DPP4: variants seen among roughly 807,000 people sequenced by gnomAD.
DPP4 encodes dipeptidyl peptidase 4.
Under a neutral mutation model 122.4 loss-of-function variants are expected in DPP4, and 93 were observed. That is an observed-to-expected ratio of 0.76 (90% CI 0.64 to 0.90). The LOEUF is 0.90. Ranked by LOEUF, DPP4 falls within the 40% of genes least tolerant of loss-of-function variation. The pLI is 0.00. For synonymous variants in DPP4, 321 were observed against 302.9 expected (o/e 1.06, Z -0.62); for missense variants, 914 against 907.3 (o/e 1.01, Z -0.09).
intron 9 of DPP4, among the ~76,000 whole-genome samples, chr2:162,033,891 T>C (rs1204518066): frequency 7.0e-6 from 1 of 142,500 alleles, no homozygotes; most frequent in African/African-American, 2.7e-5. Context: ...TATATATATA[T>C]ATACACACTA....
chr2:162,030,923 T>C (rs1292196669), intron 10 of DPP4, among the ~76,000 whole-genome samples: 1 of 152,208 alleles, frequency 6.6e-6, no homozygotes, highest in Non-Finnish European at 1.5e-5. Context: ...CGAATTCACA[T>C]AAGGCCAAAA....
chr2:162,031,309 G>A (rs1683543189), intron 10 of DPP4, among the ~76,000 whole-genome samples: 2 of 152,208 alleles, frequency 1.3e-5, no homozygotes, highest in Admixed American at 1.3e-4. Flanking sequence ...GCGGGAAGGA[G>A]GGAGGACAAG....
Position 162,039,123 on chromosome 2 carries a change from G to A in DPP4, c.419+9C>T. 2 of 1,612,740 alleles carry A rather than the reference G, an allele frequency of 1.2e-6. No homozygotes were observed. The highest frequency in any genetic ancestry group is 1.7e-6 in the Non-Finnish European group (2 of 1,179,090). ...AAAGCCTAATAGATTTTATTGGGAA[G>A]TCACTGACCTTTTATTTAAATCATA... is the stretch of plus-strand genomic sequence containing the variant. On this transcript the variant is annotated intron_variant, in intron 6 of 25. Coordinates refer to ENST00000360534, the MANE Select transcript of DPP4 (RefSeq NM_001935.4).
At chr2:162,010,995 G>A (rs114942722) in intron 20 of DPP4, among the ~76,000 whole-genome samples, 1,599 of 152,202 alleles carry the variant, frequency 0.011, 29 homozygotes, top group African/African-American at 0.037. Flanking sequence ...TTAAATATAA[G>A]AGTCAGAATG....
intron 11 of DPP4, among the ~76,000 whole-genome samples, chr2:162,024,204 G>A (rs2106106737): frequency 6.6e-6 from 1 of 152,346 alleles, no homozygotes; most frequent in African/African-American, 2.4e-5. Flanking sequence ...GGCTCCCAGA[G>A]GGACTTTAAC....
intron 2 of DPP4, among the ~76,000 whole-genome samples, chr2:162,051,384 C>T (rs572520471): frequency 1.1e-4 from 17 of 152,344 alleles, no homozygotes; most frequent in African/African-American, 3.8e-4. Flanking sequence ...TATTGTCACT[C>T]ATTCATACTA....
At chr2:162,018,358 C>T (rs1156858071) in intron 16 of DPP4, among the ~76,000 whole-genome samples, 1 of 152,188 alleles carries the variant, frequency 6.6e-6, no homozygotes, top group East Asian at 1.9e-4. Flanking sequence ...GCAACAGCAA[C>T]AGAAGATGGA....
intron 11 of DPP4, among the ~76,000 whole-genome samples, 182 bp downstream of exon 11, chr2:162,024,622 C>T (rs560980553): frequency 3.3e-5 from 5 of 152,148 alleles, no homozygotes; most frequent in Non-Finnish European, 7.3e-5. Context: ...AATAGAAGCA[C>T]CTCGGGATGG....
chr2:162,006,886 CA>C (rs1701296345), intron 22 of DPP4, among the ~76,000 whole-genome samples: 4 of 152,004 alleles, frequency 2.6e-5, no homozygotes, highest in African/African-American at 9.7e-5. Flanking sequence ...TAAAATTTTA[CA>C]AGTATTTCAA....
chr2:162,001,853 G>T (rs1701157544), intron 23 of DPP4, among the ~76,000 whole-genome samples: 1 of 152,204 alleles, frequency 6.6e-6, no homozygotes, highest in Non-Finnish European at 1.5e-5. Flanking sequence ...CTTTAGCTCA[G>T]ATTTGTCACC....
At chr2:162,071,566 C>T (rs1383118099) in intron 2 of DPP4, among the ~76,000 whole-genome samples, 4 of 152,246 alleles carry the variant, frequency 2.6e-5, no homozygotes, top group East Asian at 3.9e-4. Context: ...CACTTGAACC[C>T]GGGAGGGGGA....
chr2:162,061,831 A>T (rs1684785044), intron 2 of DPP4, among the ~76,000 whole-genome samples: 2 of 152,222 alleles, frequency 1.3e-5, no homozygotes, highest in Non-Finnish European at 2.9e-5. Flanking sequence ...TATGAAGCTT[A>T]TATTTTAACT....
At chr2:162,062,644 C>T (rs1176214283) in intron 2 of DPP4, among the ~76,000 whole-genome samples, 2 of 152,186 alleles carry the variant, frequency 1.3e-5, no homozygotes, top group Non-Finnish European at 2.9e-5. Context: ...AGAGATGACC[C>T]ACATTCCTGG....
At chr2:162,041,768 T>C (rs1180353694) in intron 5 of DPP4, among the ~76,000 whole-genome samples, 1 of 152,204 alleles carries the variant, frequency 6.6e-6, no homozygotes, top group Admixed American at 6.5e-5. Context: ...GTTCACTTCA[T>C]CTTTTGAAAC....
Position 162,045,529 on chromosome 2 carries a change from T to C in DPP4, c.366+3A>G. On this transcript the variant is annotated splice_donor_region_variant and intron_variant, in intron 5 of 25. Coordinates refer to ENST00000360534, the MANE Select transcript of DPP4 (RefSeq NM_001935.4). Reference sequence around the variant, plus strand: ...TGTTACAGTAAGAAAGCATTTATTTTACCTTCACGTAGTTGTATTCTAAGA... The same window carrying C: ...TGTTACAGTAAGAAAGCATTTATTTCACCTTCACGTAGTTGTATTCTAAGA... 1.3e-6 allele frequency: 2 copies of C among 1,596,538 alleles called. No individual in the cohort carries two copies. The highest frequency in any genetic ancestry group is 1.7e-4 in the Middle Eastern group (1 of 6,014).
chr2:162,056,650 C>A (rs554054552), intron 2 of DPP4, among the ~76,000 whole-genome samples: 152 of 152,254 alleles, frequency 1.0e-3, no homozygotes, highest in African/African-American at 3.5e-3. Context: ...AACTTTGCAG[C>A]AAGGATGGTA....
intron 1 of DPP4, 62 bp downstream of exon 1, chr2:162,073,914 G>C (rs1685215345): frequency 6.2e-7 from 1 of 1,600,856 alleles, no homozygotes; most frequent in South Asian, 1.1e-5. Flanking sequence ...TGGGCCATTT[G>C]GGGAGTTTGG....
At chr2:162,004,529 G>A (rs1402942749) in intron 23 of DPP4, among the ~76,000 whole-genome samples, 2 of 151,994 alleles carry the variant, frequency 1.3e-5, no homozygotes, top group South Asian at 2.1e-4. Context: ...CTGAGAAACA[G>A]ACATGAAAAC....
intron 10 of DPP4, chr2:162,032,352 C>G (rs1005707232): frequency 5.9e-5 from 9 of 152,324 alleles, no homozygotes; most frequent in Middle Eastern, 6.8e-3. Flanking sequence ...ATCCCTGTGT[C>G]TGGTACATGG....
Sources: gnomAD v4.1 joint callset for allele counts (sites outside exome capture counted in the v4.1 genomes callset) on GRCh38, gnomAD v4.1.1 for gene constraint, MANE v1.5 for transcripts, NCBI Gene and HGNC (gene_info 2026-07-23, HGNC 2026-07-21) for gene names.